The following STXBP4 variants were observed in gnomAD, a reference collection of about 807,000 sequenced individuals.
STXBP4 encodes syntaxin binding protein 4, also known as syntaxin-binding protein 4.
A neutral mutation model predicts 76.1 loss-of-function variants in STXBP4; 55 were observed. The ratio of observed to expected loss-of-function variants is 0.72; its 90% confidence interval spans 0.58 to 0.91. The LOEUF is 0.91. STXBP4 is among the 40% of genes least tolerant of loss of function. The pLI is 0.00. For synonymous variants in STXBP4, 201 were observed against 220.2 expected (o/e 0.91, Z 0.77); for missense variants, 618 against 636.9 (o/e 0.97, Z 0.32).
the STXBP4 span, among the ~76,000 whole-genome samples, chr17:55,202,909 G>T: frequency 6.6e-6 from 1 of 152,150 alleles, no homozygotes; most frequent in Non-Finnish European, 1.5e-5. Context: ...TAAGAGCCAA[G>T]AAAGGTCATT....
intron 12 of STXBP4, among the ~76,000 whole-genome samples, chr17:55,056,528 A>T (rs1767982661): frequency 6.6e-6 from 1 of 152,196 alleles, no homozygotes. Flanking sequence ...ATTTTCTAAG[A>T]AGAATTTGTT....
chr17:55,209,226 G>A, the STXBP4 span, among the ~76,000 whole-genome samples: 1 of 152,202 alleles, frequency 6.6e-6, no homozygotes, highest in East Asian at 1.9e-4. Context: ...GATAGTGACT[G>A]TGTTAGGAGA....
chr17:55,078,557 C>A (rs2079216806), intron 14 of STXBP4, 129 bp from the exon 15 acceptor site: 2 of 609,904 alleles, frequency 3.3e-6, no homozygotes, highest in Middle Eastern at 4.4e-4. Flanking sequence ...ATTGTTTGCA[C>A]CCCCGCTACA....
chr17:55,146,523 A>C (rs2080155757), intron 17 of STXBP4, among the ~76,000 whole-genome samples: 2 of 152,196 alleles, frequency 1.3e-5, no homozygotes, highest in Admixed American at 1.3e-4. Context: ...CATCCTGGCT[A>C]ACACGGTGAA....
downstream of STXBP4, among the ~76,000 whole-genome samples, chr17:55,174,047 C>T (rs2080419702): frequency 6.6e-6 from 1 of 152,188 alleles, no homozygotes; most frequent in South Asian, 2.1e-4. Context: ...CTGACCCAAC[C>T]ATGAAAGGTT....
In STXBP4 at chr17:55,163,699, T is replaced by A. The variant is rs915737591; in HGVS notation, c.*3788T>A. On this transcript the variant is annotated 3_prime_UTR_variant, in exon 18 of 18. Coordinates refer to ENST00000376352, the MANE Select transcript of STXBP4 (RefSeq NM_178509.6). ...GTCTAAAACCATTTTTCTTTCTTTTTTTTCCCCCTAAACAACCTCTTAAAG... is the reference window on the plus strand; with the variant it reads ...GTCTAAAACCATTTTTCTTTCTTTTATTTCCCCCTAAACAACCTCTTAAAG... The A allele has an allele frequency of 6.6e-5, 10 of 152,426 alleles. No homozygotes were observed. The highest frequency in any genetic ancestry group is 2.4e-4 in the African/African-American group (10 of 41,414). The allele number at this position is 152,426 out of a possible 1,614,324, so 9.4% of individuals were successfully genotyped here.
At chr17:55,049,603 A>C (rs2078833757) in intron 12 of STXBP4, among the ~76,000 whole-genome samples, 1 of 152,000 alleles carries the variant, frequency 6.6e-6, no homozygotes, top group South Asian at 2.1e-4. Flanking sequence ...GAATGAAAAT[A>C]CAAACCTTCA....
intron 16 of STXBP4, among the ~76,000 whole-genome samples, chr17:55,081,993 A>G (rs1037029747): frequency 6.6e-6 from 1 of 152,070 alleles, no homozygotes; most frequent in African/African-American, 2.4e-5. Context: ...TTTTCTAACT[A>G]CTTCTTACGT....
chr17:55,162,595 T>C lies in STXBP4; in HGVS notation c.*2684T>C, dbSNP rs2080346531. ...TAAAAAAAAAAAAACAACAAAAGAG[T>C]TTGTGTGTGGCCAGGACTAAACAGC... On this transcript the variant is annotated 3_prime_UTR_variant, in exon 18 of 18. Transcript: ENST00000376352. The C allele has an allele frequency of 6.6e-6, 1 of 151,314 alleles. No homozygotes were observed. Among genetic ancestry groups the C allele is most frequent in the African/African-American group, 2.4e-5 (1 of 41,258 alleles). The allele number at this position is 151,314 out of a possible 1,614,324, so 9.4% of individuals were successfully genotyped here. A position where few individuals can be genotyped will look rare whatever the true frequency, so the allele number is the denominator to read the frequency against.
intron 7 of STXBP4, among the ~76,000 whole-genome samples, chr17:55,002,274 A>G (rs1263784121): frequency 1.3e-5 from 2 of 152,086 alleles, no homozygotes; most frequent in African/African-American, 4.8e-5. Context: ...CATGTTTTTA[A>G]CTTTTAAAGT....
chr17:55,127,677 A>C (rs2079928241), intron 16 of STXBP4, among the ~76,000 whole-genome samples: 1 of 152,200 alleles, frequency 6.6e-6, no homozygotes, highest in African/African-American at 2.4e-5. Context: ...ACCCTCTATG[A>C]AGGTGTTTTT....
At chr17:55,007,679 C>T in intron 8 of STXBP4, 82 bp downstream of exon 8, 3 of 1,037,140 alleles carry the variant, frequency 2.9e-6, no homozygotes, top group Non-Finnish European at 4.3e-6. Context: ...GGATAAAGTA[C>T]TGGAGTCATT....
intron 16 of STXBP4, among the ~76,000 whole-genome samples, chr17:55,110,601 T>C (rs1235606880): frequency 6.6e-6 from 1 of 152,202 alleles, no homozygotes; most frequent in Non-Finnish European, 1.5e-5. Context: ...AAACTTTTTT[T>C]CTGTAAAGAA....
chr17:55,026,739 A>G (rs1173903944), intron 8 of STXBP4, among the ~76,000 whole-genome samples: 1 of 152,170 alleles, frequency 6.6e-6, no homozygotes, highest in Non-Finnish European at 1.5e-5. Flanking sequence ...GACTTTGTGG[A>G]AGTTGGCCAA....
intron 1 of STXBP4, among the ~76,000 whole-genome samples, chr17:54,984,407 G>A (rs1360967158): frequency 6.9e-6 from 1 of 145,708 alleles, no homozygotes; most frequent in Non-Finnish European, 1.5e-5. Flanking sequence ...CAGTGGCACG[G>A]TCTTGGCTCA....
At chr17:55,136,589 C>T (rs1378753260) in intron 16 of STXBP4, among the ~76,000 whole-genome samples, 1 of 152,054 alleles carries the variant, frequency 6.6e-6, no homozygotes, top group Non-Finnish European at 1.5e-5. Context: ...CTTCCCATCT[C>T]CGTATTCAGT....
At chr17:54,992,706 T>A (rs1567707617) in intron 4 of STXBP4, among the ~76,000 whole-genome samples, 1 of 79,128 alleles carries the variant, frequency 1.3e-5, no homozygotes, top group African/African-American at 4.8e-5. Flanking sequence ...ATTTGCTTCC[T>A]TTTTTTTTTT....
At chr17:55,056,966 A>G (rs761816162) in intron 12 of STXBP4, among the ~76,000 whole-genome samples, 3 of 152,260 alleles carry the variant, frequency 2.0e-5, no homozygotes, top group Non-Finnish European at 4.4e-5. Context: ...ATGTAACACT[A>G]TCAATAATTA....
In STXBP4 at chr17:55,166,719, C is replaced by T. The variant is rs1370031681; in HGVS notation, c.*6808C>T. On this transcript the variant is annotated 3_prime_UTR_variant, in exon 18 of 18. Coordinates refer to ENST00000376352, the MANE Select transcript of STXBP4 (RefSeq NM_178509.6). ...CACACCTGCCCAACCCCACTTCCCA[C>T]TCAGGAGTGGTAGAGCAAGAACTTC... 6.6e-6 allele frequency: 1 copy of T among 152,278 alleles called. No individual in the cohort carries two copies. Among genetic ancestry groups the T allele is most frequent in the Non-Finnish European group, 1.5e-5 (1 of 68,076 alleles). 9.4% of individuals were successfully genotyped at this position (152,278 alleles called of 1,614,324 possible).
Sources: allele counts gnomAD v4.1 joint callset (sites outside exome capture counted in the v4.1 genomes callset), GRCh38; gene constraint gnomAD v4.1.1; transcripts MANE v1.5; gene names NCBI Gene and HGNC (gene_info 2026-07-23, HGNC 2026-07-21).